Variants in ESR1 observed in about 807,000 individuals in gnomAD.
The protein encoded by ESR1 is estrogen receptor.
A neutral mutation model predicts 52.7 loss-of-function variants in ESR1; 12 were observed. That is an observed-to-expected ratio of 0.23 (90% CI 0.15 to 0.37). ESR1 has a LOEUF of 0.37. Among genes scored for constraint, ESR1 ranks in the 10% least tolerant of loss-of-function variants. The pLI is 1.00. For missense variants in ESR1, 584 were observed against 779.7 expected (o/e 0.75, Z 2.99); for synonymous variants, 305 against 316.8 (o/e 0.96, Z 0.39).
intron 2 of ESR1, among the ~76,000 whole-genome samples, chr6:151,730,703 G>A (rs1459645281): frequency 2.0e-5 from 3 of 152,178 alleles, no homozygotes; most frequent in African/African-American, 7.2e-5. Context: ...TGTACTGAAT[G>A]TCTTGACATC....
chr6:151,908,197 T>C lies in ESR1; in HGVS notation c.760+27426T>C, dbSNP rs537914962. 5.3e-5 allele frequency among the ~76,000 whole-genome samples: 8 copies of C among 152,362 alleles called. No homozygotes were observed. In the South Asian group the frequency reaches 8.3e-4, roughly 16 times the overall value. ...TATAGGTTTAGTAGGATAACATTTC[T>C]CCTTCATTTCTTTCATTTTTAGAAA... On this transcript the variant is annotated intron_variant, in intron 3 of 7. Transcript: ENST00000206249.
At chr6:151,863,063 G>A (rs1234033392) in intron 2 of ESR1, among the ~76,000 whole-genome samples, 2 of 152,186 alleles carry the variant, frequency 1.3e-5, no homozygotes, top group Admixed American at 6.5e-5. Flanking sequence ...ACAGTCTCTT[G>A]TAGTATAGTT....
chr6:151,883,464 T>C (rs1583930371), intron 3 of ESR1, among the ~76,000 whole-genome samples: 5 of 152,106 alleles, frequency 3.3e-5, no homozygotes, highest in African/African-American at 1.2e-4. Context: ...GCTAGCCGTC[T>C]TCTGCCTGTG....
At position 152,003,882 on chromosome 6, in the gene ESR1, A is replaced by T. The variant is rs185608799; in HGVS notation, c.1097-7774A>T. Among the ~76,000 whole-genome samples, 35 of 152,184 alleles carry T rather than the reference A, an allele frequency of 2.3e-4. No homozygotes were observed. The East Asian group carries it at 5.0e-3, about 22-fold the overall frequency. On this transcript the variant is annotated intron_variant, in intron 4 of 7. Transcript: ENST00000206249. The stretch of plus-strand genomic sequence containing the variant: ...AGATATATCCAGCTTTTGAAAAAAT[A>T]TACATATTTAGCCATTAAAAGGTAT...
intron 2 of ESR1, among the ~76,000 whole-genome samples, chr6:151,735,499 T>C (rs922144875): frequency 6.6e-6 from 1 of 152,158 alleles, no homozygotes; most frequent in Non-Finnish European, 1.5e-5. Context: ...AATGAGATGG[T>C]CCCCTCCTAG....
At chr6:152,052,320 G>A (rs939990712) in intron 5 of ESR1, among the ~76,000 whole-genome samples, 1 of 152,202 alleles carries the variant, frequency 6.6e-6, no homozygotes, top group Non-Finnish European at 1.5e-5. Flanking sequence ...GTGAGATTTG[G>A]AGGGAACACA....
At chr6:151,781,669 T>C (rs1220917410) in intron 2 of ESR1, among the ~76,000 whole-genome samples, 2 of 152,230 alleles carry the variant, frequency 1.3e-5, no homozygotes, top group African/African-American at 4.8e-5. Flanking sequence ...GGGCAAGATA[T>C]TTGCTAACTG....
At chr6:151,872,585 ATTC>A (rs1791161826) in intron 2 of ESR1, among the ~76,000 whole-genome samples, 1 of 152,120 alleles carries the variant, frequency 6.6e-6, no homozygotes, top group Non-Finnish European at 1.5e-5. Context: ...AACATTTTGA[ATTC>A]TTCTTTCTAT....
chr6:152,012,910 G>A (rs1412436843), intron 5 of ESR1, among the ~76,000 whole-genome samples: 1 of 152,218 alleles, frequency 6.6e-6, no homozygotes. Flanking sequence ...CCAAGTGCCT[G>A]GAGCAGAGTT....
chr6:151,841,064 G>T (rs1017075396), intron 1 of ESR1, among the ~76,000 whole-genome samples: 2 of 152,044 alleles, frequency 1.3e-5, no homozygotes, highest in African/African-American at 4.8e-5. Context: ...TCTTCAAGTT[G>T]TCTTCATTGA....
chr6:151,811,033 C>A (rs1778754680), intron 1 of ESR1: 1 of 152,166 alleles, frequency 6.6e-6, no homozygotes, highest in Non-Finnish European at 1.5e-5. Context: ...GTGGACTGTC[C>A]TCCCGAGTGT....
intron 2 of ESR1, among the ~76,000 whole-genome samples, chr6:151,870,867 T>G (rs530127206): frequency 6.6e-5 from 10 of 152,130 alleles, no homozygotes; most frequent in African/African-American, 2.2e-4. Flanking sequence ...TCTTTTTTTT[T>G]TTAAGGCAGG....
At chr6:151,867,129 G>A (rs890361205) in intron 2 of ESR1, among the ~76,000 whole-genome samples, 1 of 152,082 alleles carries the variant, frequency 6.6e-6, no homozygotes, top group African/African-American at 2.4e-5. Flanking sequence ...ATGGATTAAA[G>A]ACTTAAATGT....
intron 5 of ESR1, among the ~76,000 whole-genome samples, chr6:152,043,991 T>C (rs1020886973): frequency 3.3e-5 from 5 of 152,172 alleles, no homozygotes; most frequent in African/African-American, 7.2e-5. Context: ...CTTAGAAGAT[T>C]TGAGGCTCAG....
At chr6:151,902,115 G>A (rs1796778553) in intron 3 of ESR1, among the ~76,000 whole-genome samples, 2 of 152,144 alleles carry the variant, frequency 1.3e-5, no homozygotes, top group Non-Finnish European at 2.9e-5. Context: ...ACTACATGAA[G>A]GTGTTGTTGA....
At chr6:151,788,380 T>C (rs1178087346) in intron 2 of ESR1, among the ~76,000 whole-genome samples, 6 of 152,120 alleles carry the variant, frequency 3.9e-5, no homozygotes, top group African/African-American at 1.4e-4. Flanking sequence ...ATTAGAGAAA[T>C]GCAAATCAAA....
intron 6 of ESR1, among the ~76,000 whole-genome samples, chr6:152,077,013 T>A (rs1202154230): frequency 6.6e-6 from 1 of 152,142 alleles, no homozygotes; most frequent in Non-Finnish European, 1.5e-5. Context: ...CAAATGTTAA[T>A]CCCCAAGACA....
At chr6:151,756,020 G>A (rs940945433) in intron 2 of ESR1, among the ~76,000 whole-genome samples, 2 of 152,090 alleles carry the variant, frequency 1.3e-5, no homozygotes, top group Non-Finnish European at 2.9e-5. Flanking sequence ...CTGATGTCAT[G>A]TTCTTTGCTA....
rs184470442 is a variant in ESR1 at position 151,884,917 on chromosome 6, G to A, written c.760+4146G>A. Among the ~76,000 whole-genome samples the A allele has an allele frequency of 2.2e-3, 336 of 151,948 alleles. 3 individuals are homozygous for A. The highest frequency in any genetic ancestry group is 4.1e-3 in the Non-Finnish European group (280 of 67,986). ...AAAATCAAGGTGCTGGAAAATTCAT[G>A]TTCTAGCTTTAATGGCAAACAGCTC... On this transcript the variant is annotated intron_variant, in intron 3 of 7. Transcript: ENST00000206249.
Sources: gnomAD v4.1 joint callset for allele counts (sites outside exome capture counted in the v4.1 genomes callset) on GRCh38, gnomAD v4.1.1 for gene constraint, MANE v1.5 for transcripts, NCBI Gene and HGNC (gene_info 2026-07-23, HGNC 2026-07-21) for gene names.